The following PADI4 variants were observed in gnomAD, a reference collection of about 807,000 sequenced individuals.
PADI4 encodes the protein peptidyl arginine deiminase 4.
PADI4 carries 62 observed loss-of-function variants against 75.0 expected under a neutral mutation model. The ratio of observed to expected loss-of-function variants is 0.83; its 90% CI spans 0.67 to 1.02. PADI4 has a LOEUF of 1.02. Among genes scored for constraint, PADI4 ranks in the 50% least tolerant of loss-of-function variants. The pLI is 0.00. For synonymous variants in PADI4, 361 were observed against 348.1 expected (o/e 1.04, Z -0.41); for missense variants, 845 against 850.5 (o/e 0.99, Z 0.08).
chr1:17,335,549 G>A (rs1042416872), intron 3 of PADI4, among the ~76,000 whole-genome samples: 1 of 152,204 alleles, frequency 6.6e-6, no homozygotes, highest in Non-Finnish European at 1.5e-5. Context: ...ATGCTGTGGG[G>A]CACACGGATC....
intron 13 of PADI4, among the ~76,000 whole-genome samples, chr1:17,357,418 C>T (rs963958624): frequency 6.6e-6 from 1 of 152,030 alleles, no homozygotes; most frequent in Non-Finnish European, 1.5e-5. Context: ...CCACCCACCT[C>T]GGCCTCCCAA....
chr1:17,332,488 G>T (rs956194450), intron 2 of PADI4, among the ~76,000 whole-genome samples: 1 of 152,128 alleles, frequency 6.6e-6, no homozygotes, highest in Non-Finnish European at 1.5e-5. Flanking sequence ...GACCTCAAGT[G>T]ATCCACTCAC....
chr1:17,354,469 C>T, intron 10 of PADI4, 64 bp from the exon 11 acceptor site: 4 of 1,459,812 alleles, frequency 2.7e-6, no homozygotes, highest in Non-Finnish European at 2.9e-6. Context: ...TAAACTTGGA[C>T]CCCCCGACCC....
chr1:17,327,593 G>C (rs142115953), intron 1 of PADI4, among the ~76,000 whole-genome samples: 1 of 151,432 alleles, frequency 6.6e-6, no homozygotes, highest in Non-Finnish European at 1.5e-5. Flanking sequence ...CCAGGCTGGA[G>C]TACAGTGGCG....
intron 3 of PADI4, 106 bp downstream of exon 3, chr1:17,334,115 C>A: frequency 2.7e-6 from 2 of 739,680 alleles, no homozygotes; most frequent in Admixed American, 2.2e-5. Flanking sequence ...TTACTTTAGA[C>A]TGAGTAGAGA....
intron 6 of PADI4, among the ~76,000 whole-genome samples, 192 bp downstream of exon 6, chr1:17,340,005 C>T (rs2074386298): frequency 1.3e-5 from 2 of 151,618 alleles, no homozygotes; most frequent in South Asian, 2.1e-4. Flanking sequence ...CAAAATGACT[C>T]GTTATTGCTC....
intron 9 of PADI4, among the ~76,000 whole-genome samples, chr1:17,347,684 C>A (rs2074541141): frequency 6.6e-6 from 1 of 152,124 alleles, no homozygotes; most frequent in Non-Finnish European, 1.5e-5. Context: ...CACCAGGGGT[C>A]CCCAGCACTG....
At chr1:17,362,344 C>A (rs1266287214) in intron 15 of PADI4, among the ~76,000 whole-genome samples, 89 of 120,864 alleles carry the variant, frequency 7.4e-4, no homozygotes, top group Admixed American at 1.3e-3. Context: ...AGAGTAAGAC[C>A]CTGTCTCAAA....
rs572967477 is a variant in PADI4 at position 17,322,559 on chromosome 1, A to G, written c.93-8410A>G. Among the ~76,000 whole-genome samples the G allele has an allele frequency of 2.0e-5, 3 of 152,010 alleles. No individual in the cohort carries two copies. In the East Asian group the frequency reaches 5.8e-4, roughly 30 times the overall value. On this transcript the variant is annotated intron_variant, in intron 1 of 15. Transcript: ENST00000375448. ...AAATTCAACAGAACTGTTTTAGGGT[A>G]AAGATCTTTGGGGCCCACAGGGAAT...
chr1:17,339,672 G>T lies in PADI4; in HGVS notation c.527-16G>T. On this transcript the variant is annotated splice_polypyrimidine_tract_variant and intron_variant, in intron 5 of 15. Transcript: ENST00000375448. ...CTCAGGGCCCTGTGACTCAGGCAAT[G>T]CCCTTCTCATCCCAGACCTGCAGGA... is the stretch of plus-strand genomic sequence containing the variant. 6.2e-7 allele frequency: 1 copy of T among 1,613,568 alleles called. No individual in the cohort carries two copies. The highest frequency in any genetic ancestry group is 8.5e-7 in the Non-Finnish European group (1 of 1,179,798).
intron 15 of PADI4, among the ~76,000 whole-genome samples, chr1:17,362,351 C>CAAAAAAAAAAAAAAAAAAAAAAAAAA (rs34897407): frequency 9.3e-6 from 1 of 107,372 alleles, no homozygotes; most frequent in Non-Finnish European, 1.9e-5. Context: ...GACCCTGTCT[C>CAAAAAAAAAAAAAAAAAAAAAAAAAA]AAAAAAAAAA....
At chr1:17,358,813 T>A in intron 13 of PADI4, 25 bp from the exon 14 acceptor site, 1 of 1,520,046 alleles carries the variant, frequency 6.6e-7, no homozygotes, top group East Asian at 2.3e-5. Flanking sequence ...TTCATTTGCC[T>A]TTTTTTTCTT....
chr1:17,354,514 C>G lies in PADI4; in HGVS notation c.1156-19C>G. The G allele has an allele frequency of 6.2e-7, 1 of 1,613,548 alleles. No homozygotes were observed. Among genetic ancestry groups the G allele is most frequent in the Non-Finnish European group, 8.5e-7 (1 of 1,179,478 alleles). The stretch of plus-strand genomic sequence containing the variant: ...GACCTCATTCCTCTAACTCTTGGCA[C>G]TCCCTTCTCCTATCTCAGGGTCCAG... On this transcript the variant is annotated intron_variant, in intron 10 of 15. Transcript: ENST00000375448.
intron 1 of PADI4, among the ~76,000 whole-genome samples, chr1:17,311,066 C>T (rs890662233): frequency 1.3e-5 from 2 of 150,444 alleles, no homozygotes; most frequent in Non-Finnish European, 1.5e-5. Context: ...CACTGAACTC[C>T]AGCCTGGGCA....
intron 1 of PADI4, among the ~76,000 whole-genome samples, chr1:17,309,766 C>T (rs971009040): frequency 1.3e-5 from 2 of 152,210 alleles, no homozygotes; most frequent in Non-Finnish European, 2.9e-5. Context: ...ATGGTGGAGG[C>T]AGGAGACCAA....
At chr1:17,323,107 A>T (rs2074058951) in intron 1 of PADI4, among the ~76,000 whole-genome samples, 1 of 152,178 alleles carries the variant, frequency 6.6e-6, no homozygotes, top group African/African-American at 2.4e-5. Context: ...TGTTGGTAGG[A>T]TTCAGGGCCT....
At chr1:17,352,933 G>C (rs1182419031) in intron 10 of PADI4, among the ~76,000 whole-genome samples, 1 of 152,214 alleles carries the variant, frequency 6.6e-6, no homozygotes, top group East Asian at 1.9e-4. Flanking sequence ...GAGGTTGGAG[G>C]TGAACCAGGA....
chr1:17,325,477 T>C (rs2100688056), intron 1 of PADI4, among the ~76,000 whole-genome samples: 1 of 152,234 alleles, frequency 6.6e-6, no homozygotes. Context: ...TCCTCTTTAC[T>C]TTATTAGTCA....
intron 10 of PADI4, among the ~76,000 whole-genome samples, chr1:17,349,156 T>C (rs1035569184): frequency 1.1e-4 from 16 of 152,330 alleles, no homozygotes; most frequent in East Asian, 3.8e-4. Flanking sequence ...TTCAGCAGCG[T>C]TGGGGCGAAC....
Sources: gnomAD v4.1 joint callset for allele counts (sites outside exome capture counted in the v4.1 genomes callset) on GRCh38, gnomAD v4.1.1 for gene constraint, MANE v1.5 for transcripts, NCBI Gene and HGNC (gene_info 2026-07-23, HGNC 2026-07-21) for gene names.